Variants in WDTC1 observed in about 807,000 individuals in gnomAD.
WDTC1 encodes WD and tetratricopeptide repeats protein 1.
A neutral mutation model predicts 76.0 loss-of-function variants in WDTC1; 12 were observed. That is an observed-to-expected ratio of 0.16 (90% confidence interval 0.10 to 0.26). WDTC1 has a LOEUF of 0.26. Among genes scored for constraint, WDTC1 ranks in the 10% least tolerant of loss-of-function variants. The pLI, the probability that WDTC1 is intolerant of heterozygous loss-of-function variation, is 1.00. For synonymous variants in WDTC1, 326 were observed against 350.8 expected (o/e 0.93, Z 0.79); for missense variants, 511 against 908.8 (o/e 0.56, Z 5.63).
intron 1 of WDTC1, among the ~76,000 whole-genome samples, chr1:27,257,020 G>A (rs889037931): frequency 1.3e-4 from 19 of 151,832 alleles, no homozygotes; most frequent in Non-Finnish European, 2.5e-4. Context: ...CTGCCACCAC[G>A]CCCGGCTAAT....
At chr1:27,259,323 CTTTT>C (rs57081638) in intron 1 of WDTC1, among the ~76,000 whole-genome samples, 1 of 106,330 alleles carries the variant, frequency 9.4e-6, no homozygotes, top group Non-Finnish European at 1.9e-5. Flanking sequence ...CCATGCCCAA[CTTTT>C]TTTTTTTTTT....
At position 27,303,847 on chromosome 1, in the gene WDTC1, G is replaced by T; in HGVS notation, c.1643+52G>T. 6.2e-7 allele frequency: 1 copy of T among 1,603,916 alleles called. No individual in the cohort carries two copies. Among genetic ancestry groups the T allele is most frequent in the Non-Finnish European group, 8.5e-7 (1 of 1,175,006 alleles). On this transcript the variant is annotated intron_variant, in intron 14 of 15. Coordinates refer to ENST00000319394, the MANE Select transcript of WDTC1 (RefSeq NM_001276252.2). This position sits in a 1 kb window ranked among gnomAD's most constrained non-coding sequence, Gnocchi z 4.8. ...AGCCCAGTTGGCAGCGGGAGGTTGA[G>T]TGGGGAGTGTTGGGGCATAATGGTT... is the stretch of plus-strand genomic sequence containing the variant.
intron 5 of WDTC1, among the ~76,000 whole-genome samples, chr1:27,286,015 T>A (rs998554036): frequency 1.4e-5 from 2 of 145,194 alleles, no homozygotes; most frequent in African/African-American, 5.1e-5. Context: ...TTTTTTTTTT[T>A]TTTTGAGATG....
intron 3 of WDTC1, among the ~76,000 whole-genome samples, chr1:27,279,240 AG>A (rs1030358033): frequency 6.6e-6 from 1 of 152,098 alleles, no homozygotes; most frequent in Non-Finnish European, 1.5e-5. Flanking sequence ...AATTGTTAAA[AG>A]ATTGAATTAA....
intron 1 of WDTC1, among the ~76,000 whole-genome samples, chr1:27,255,111 G>T (rs1437910982): frequency 6.6e-6 from 1 of 151,956 alleles, no homozygotes; most frequent in Non-Finnish European, 1.5e-5. Flanking sequence ...CTTTGATACT[G>T]AGCTTTCTTA....
intron 1 of WDTC1, among the ~76,000 whole-genome samples, 159 bp downstream of exon 1, chr1:27,235,110 G>GT (rs2011466588): frequency 1.3e-5 from 2 of 151,980 alleles, no homozygotes; most frequent in Non-Finnish European, 2.9e-5. Flanking sequence ...CCCGAGAGGG[G>GT]CCAGGCCTCG....
Position 27,294,025 on chromosome 1 carries a change from G to A in WDTC1, c.666G>A (p.Lys222=), listed in dbSNP as rs1315164038. Residue 222 remains lysine (K), a synonymous_variant, in exon 8 of 16, where the codon AAG becomes AAA. Coordinates refer to ENST00000319394, the MANE Select transcript of WDTC1 (RefSeq NM_001276252.2). ...YDIRMIHNHR[K]SMKQSPSAGV... ...ATATGATTTTCCTTCCCACCAGAAA[G>A]AGCATGAAGCAGAGCCCTTCAGCGG... 1 of 1,613,922 alleles carries A rather than the reference G, an allele frequency of 6.2e-7. No homozygotes were observed. The highest frequency in any genetic ancestry group is 1.7e-5 in the Admixed American group (1 of 59,986).
chr1:27,269,684 G>T lies in WDTC1; in HGVS notation c.132+6449G>T, dbSNP rs192469275. 4.8e-3 allele frequency among the ~76,000 whole-genome samples: 578 copies of T among 120,728 alleles called. 1 individual carries two copies. Among genetic ancestry groups the T allele is most frequent in the African/African-American group, 0.016 (525 of 32,758 alleles). 79.2% of individuals were successfully genotyped at this position (120,728 alleles called of 152,430 possible). A position where few individuals can be genotyped will look rare whatever the true frequency, so the allele number is the denominator to read the frequency against. On this transcript the variant is annotated intron_variant, in intron 3 of 15. Transcript: ENST00000319394. ...GGCTGGAGTGCAGTGGCACAATCTT[G>T]GCTTACTGCAACCTCCGCCTCCCAG...
intron 1 of WDTC1, among the ~76,000 whole-genome samples, chr1:27,248,519 T>G (rs1259517693): frequency 6.6e-6 from 1 of 152,226 alleles, no homozygotes; most frequent in Admixed American, 6.5e-5. Flanking sequence ...CACATTTGTT[T>G]AAGTTCCTTA....
intron 1 of WDTC1, among the ~76,000 whole-genome samples, chr1:27,242,181 C>T (rs987107747): frequency 3.9e-5 from 6 of 151,980 alleles, no homozygotes; most frequent in African/African-American, 1.2e-4. Flanking sequence ...GATGAGCCAC[C>T]GTGCCTGGCC....
In WDTC1 at chr1:27,294,503, A is replaced by G. The variant is rs1017964216; in HGVS notation, c.758-11A>G. 29 of 1,613,538 alleles carry G rather than the reference A, an allele frequency of 1.8e-5. No individual in the cohort carries two copies. The highest frequency in any genetic ancestry group is 2.3e-5 in the Non-Finnish European group (27 of 1,179,538). ...ACTGGGACCCTAGTATGACTGGGCT[A>G]TTCCCTGCAGGTCACCTGCCAGTGA... On this transcript the variant is annotated splice_polypyrimidine_tract_variant and intron_variant, in intron 8 of 15. Transcript: ENST00000319394.
intron 1 of WDTC1, among the ~76,000 whole-genome samples, chr1:27,260,703 C>T (rs1311927034): frequency 6.6e-6 from 1 of 152,194 alleles, no homozygotes; most frequent in Non-Finnish European, 1.5e-5. Flanking sequence ...TATACACAAC[C>T]TGCCATTTTC....
At chr1:27,292,940 C>G (rs538874376) in intron 7 of WDTC1, among the ~76,000 whole-genome samples, 2 of 148,770 alleles carry the variant, frequency 1.3e-5, no homozygotes, top group African/African-American at 4.9e-5. Flanking sequence ...TTAGTAGAGA[C>G]GGGGTTTCAC....
chr1:27,294,050 G>A lies in WDTC1; in HGVS notation c.691G>A (p.Gly231Ser). The change falls in exon 8 of 16, where the codon GGT becomes AGT. Residue 231 changes from glycine to serine, a missense_variant. Coordinates refer to ENST00000319394, the MANE Select transcript of WDTC1 (RefSeq NM_001276252.2). ...GAGCATGAAGCAGAGCCCTTCAGCGGGTGTGCACACCTTCTGTGACCGGCA... is the reference window on the plus strand; with the variant it reads ...GAGCATGAAGCAGAGCCCTTCAGCGAGTGTGCACACCTTCTGTGACCGGCA... Reference protein sequence around the residue: ...RKSMKQSPSAGVHTFCDRQKP... With the variant: ...RKSMKQSPSASVHTFCDRQKP... The A allele has an allele frequency of 1.2e-6, 2 of 1,614,146 alleles. No individual in the cohort carries two copies. Among genetic ancestry groups the A allele is most frequent in the Middle Eastern group, 3.3e-4 (2 of 6,062 alleles).
chr1:27,262,486 T>G (rs2012513449), intron 2 of WDTC1, among the ~76,000 whole-genome samples: 1 of 151,980 alleles, frequency 6.6e-6, no homozygotes, highest in Non-Finnish European at 1.5e-5. Context: ...CCTCCCAGGT[T>G]CAAGTGATTC....
intron 6 of WDTC1, among the ~76,000 whole-genome samples, chr1:27,289,408 C>T (rs1180459781): frequency 1.3e-5 from 2 of 151,288 alleles, no homozygotes; most frequent in Admixed American, 1.3e-4. Flanking sequence ...CAGAGGCGCT[C>T]CTCACATCTC....
In WDTC1 at chr1:27,303,133, C is replaced by A. The variant is rs937099591; in HGVS notation, c.1469-488C>A. Reference sequence around the variant, plus strand: ...ACTAAAAATACAAAAATTAGCTGGGCGTGGTGGCACGTGCCTGGTAGTCCC... The same window carrying A: ...ACTAAAAATACAAAAATTAGCTGGGAGTGGTGGCACGTGCCTGGTAGTCCC... On this transcript the variant is annotated intron_variant, in intron 13 of 15. Coordinates refer to ENST00000319394, the MANE Select transcript of WDTC1 (RefSeq NM_001276252.2). This position sits in a 1 kb window ranked among gnomAD's most constrained non-coding sequence, Gnocchi z 4.8. Among the ~76,000 whole-genome samples, 1 of 151,762 alleles carries A rather than the reference C, an allele frequency of 6.6e-6. No homozygotes were observed. Among genetic ancestry groups the A allele is most frequent in the Admixed American group, 6.6e-5 (1 of 15,228 alleles).
intron 1 of WDTC1, among the ~76,000 whole-genome samples, chr1:27,248,351 A>G (rs971850873): frequency 2.6e-5 from 4 of 152,170 alleles, no homozygotes; most frequent in Non-Finnish European, 4.4e-5. Flanking sequence ...TATCCTGACT[A>G]GTGTGAGATG....
chr1:27,244,880 A>G (rs1353758075), intron 1 of WDTC1, among the ~76,000 whole-genome samples: 5 of 152,130 alleles, frequency 3.3e-5, no homozygotes, highest in Non-Finnish European at 7.3e-5. Context: ...GAGAATACAG[A>G]TGTTTTAGGT....
Sources: gnomAD v4.1 joint callset for allele counts (sites outside exome capture counted in the v4.1 genomes callset) on GRCh38, gnomAD v4.1.1 for gene constraint, Gnocchi (gnomAD v3.1) non-coding constraint, MANE v1.5 for transcripts, NCBI Gene and HGNC (gene_info 2026-07-23, HGNC 2026-07-21) for gene names.